TENM2: variants seen among roughly 807,000 people sequenced by gnomAD.
The protein encoded by TENM2 is teneurin transmembrane protein 2.
In TENM2, 52 loss-of-function variants were observed where a neutral mutation model predicts 245.2. That is an observed-to-expected ratio of 0.21 (90% confidence interval 0.17 to 0.27). TENM2 has a LOEUF of 0.27. TENM2 is among the 10% of genes least tolerant of loss of function. TENM2 has a pLI of 1.00. For missense variants in TENM2, 3,046 were observed against 3,666.8 expected, an observed-to-expected ratio of 0.83 and a Z score of 4.37; for synonymous variants, 1,363 against 1,438.9, an observed-to-expected ratio of 0.95 and a Z score of 1.19.
chr5:167,538,587 C>A (rs1158227722), intron 2 of TENM2, among the ~76,000 whole-genome samples: 3 of 152,148 alleles, frequency 2.0e-5, no homozygotes, highest in African/African-American at 7.2e-5. Context: ...CCTTGGAGCA[C>A]CATGAATTCT....
chr5:167,462,160 C>G (rs542976323), intron 2 of TENM2, among the ~76,000 whole-genome samples: 9 of 136,856 alleles, frequency 6.6e-5, no homozygotes, highest in African/African-American at 1.9e-4. Context: ...CATTCTGAAA[C>G]GGGAGAGTTC....
intron 2 of TENM2, among the ~76,000 whole-genome samples, chr5:167,451,573 A>G (rs1013487707): frequency 3.9e-5 from 6 of 152,138 alleles, no homozygotes; most frequent in African/African-American, 1.4e-4. Flanking sequence ...TTTAGTTTTC[A>G]CACTTGTCCG....
At chr5:168,234,201 C>T (rs185434752) in intron 25 of TENM2, among the ~76,000 whole-genome samples, 118 of 152,210 alleles carry the variant, frequency 7.8e-4, no homozygotes, top group African/African-American at 2.6e-3. Context: ...TCCAGGCTTA[C>T]ATCATCACAG....
At chr5:167,206,869 G>A in the TENM2 span, among the ~76,000 whole-genome samples, 2 of 151,992 alleles carry the variant, frequency 1.3e-5, no homozygotes, top group Non-Finnish European at 2.9e-5. Flanking sequence ...GATAATAATT[G>A]CCATATCAAA....
the TENM2 span, among the ~76,000 whole-genome samples, chr5:167,011,831 G>A: frequency 6.6e-5 from 10 of 152,082 alleles, no homozygotes; most frequent in African/African-American, 9.7e-5. Flanking sequence ...GATTTATGTC[G>A]CAGGACATGA....
intron 2 of TENM2, among the ~76,000 whole-genome samples, chr5:167,650,766 C>T (rs912299130): frequency 2.6e-5 from 4 of 152,056 alleles, no homozygotes; most frequent in South Asian, 2.1e-4. Context: ...TGTATGAGTC[C>T]GTCACCTGGA....
chr5:167,792,379 C>T (rs1480755692), intron 2 of TENM2, among the ~76,000 whole-genome samples: 1 of 152,048 alleles, frequency 6.6e-6, no homozygotes, highest in Non-Finnish European at 1.5e-5. Context: ...AGACTGGTGG[C>T]ACATTTTGGG....
chr5:167,872,494 AAG>A (rs1491423280), intron 2 of TENM2, among the ~76,000 whole-genome samples: 17 of 12,780 alleles, frequency 1.3e-3, no homozygotes, highest in African/African-American at 1.7e-3. Context: ...AAAAGAAAGA[AAG>A]AAAGAAAGAA....
At chr5:167,194,315 C>T in the TENM2 span, among the ~76,000 whole-genome samples, 66 of 152,080 alleles carry the variant, frequency 4.3e-4, no homozygotes, top group African/African-American at 1.3e-3. Context: ...AGACGACGCA[C>T]GAAGGAAAAT....
At chr5:168,161,866 A>G (rs1757776868) in intron 12 of TENM2, among the ~76,000 whole-genome samples, 1 of 151,992 alleles carries the variant, frequency 6.6e-6, no homozygotes, top group African/African-American at 2.4e-5. Flanking sequence ...AAAGAAATCC[A>G]CAAAATAAGA....
chr5:167,467,351 T>C (rs1417009147), intron 2 of TENM2, among the ~76,000 whole-genome samples: 1 of 152,074 alleles, frequency 6.6e-6, no homozygotes, highest in African/African-American at 2.4e-5. Flanking sequence ...GCCTCCCCAG[T>C]CGTGTGGAAC....
At chr5:167,160,803 A>T in the TENM2 span, among the ~76,000 whole-genome samples, 1 of 152,170 alleles carries the variant, frequency 6.6e-6, no homozygotes, top group African/African-American at 2.4e-5. Flanking sequence ...GTTTACTGCA[A>T]TGTCCCTCAT....
chr5:167,151,191 G>C, the TENM2 span, among the ~76,000 whole-genome samples: 1 of 152,296 alleles, frequency 6.6e-6, no homozygotes, highest in South Asian at 2.1e-4. Context: ...GGGGATCCCT[G>C]CCAAGTGGAG....
At chr5:168,036,950 ACTG>A (rs1787765509) in intron 5 of TENM2, among the ~76,000 whole-genome samples, 1 of 151,762 alleles carries the variant, frequency 6.6e-6, no homozygotes, top group East Asian at 1.9e-4. Context: ...AGCTGACCAT[ACTG>A]ACATTAAGCA....
At chr5:167,375,211 C>T in exon 2 of TENM2, 1 of 1,551,576 alleles carries the variant, frequency 6.4e-7, no homozygotes, top group Non-Finnish European at 8.7e-7. Flanking sequence ...CCAACTTCAC[C>T]CTTGCCGAAC....
chr5:168,229,677 T>C (rs923897677), intron 25 of TENM2: 2 of 152,224 alleles, frequency 1.3e-5, no homozygotes, highest in African/African-American at 4.8e-5. Flanking sequence ...ACTTTTTTGC[T>C]GTGTAACTGG....
intron 7 of TENM2, among the ~76,000 whole-genome samples, chr5:168,064,526 C>G (rs1197535855): frequency 6.6e-6 from 1 of 152,218 alleles, no homozygotes; most frequent in African/African-American, 2.4e-5. Context: ...CAGGCAGAAG[C>G]ATACTCTACC....
intron 7 of TENM2, among the ~76,000 whole-genome samples, chr5:168,081,035 A>G (rs1384558770): frequency 2.0e-5 from 3 of 152,142 alleles, no homozygotes; most frequent in Non-Finnish European, 4.4e-5. Flanking sequence ...GTGGGGTGTT[A>G]AAGTCTCCCA....
chr5:167,609,415 C>A (rs753627487), intron 2 of TENM2, among the ~76,000 whole-genome samples: 1 of 138,548 alleles, frequency 7.2e-6, no homozygotes, highest in Non-Finnish European at 1.5e-5. Context: ...CCAAGCCATT[C>A]TTCTCTTCTC....
Sources: gnomAD v4.1 joint callset for allele counts (sites outside exome capture counted in the v4.1 genomes callset) on GRCh38, gnomAD v4.1.1 for gene constraint, MANE v1.5 for transcripts, NCBI Gene and HGNC (gene_info 2026-07-23, HGNC 2026-07-21) for gene names.